CSMD2: variants seen among roughly 807,000 people sequenced by gnomAD.
CSMD2 encodes CUB and Sushi multiple domains 2.
A neutral mutation model predicts 398.5 loss-of-function variants in CSMD2; 130 were observed. That is an observed-to-expected ratio of 0.33 (90% CI 0.28 to 0.38). CSMD2 has a LOEUF of 0.38. Ranked by LOEUF, CSMD2 falls within the 10% of genes least tolerant of loss-of-function variation. The pLI, the probability that CSMD2 is intolerant of heterozygous loss-of-function variation, is 1.00. For missense variants in CSMD2, 3,829 were observed against 4,764.9 expected (o/e 0.80, Z 5.78); for synonymous variants, 1,828 against 1,908.5 (o/e 0.96, Z 1.10).
At chr1:33,998,728 C>T (rs1309544626) in intron 3 of CSMD2, among the ~76,000 whole-genome samples, 10 of 152,174 alleles carry the variant, frequency 6.6e-5, no homozygotes, top group Admixed American at 6.5e-4. Context: ...AATGAAAAGG[C>T]AGGGCCCCTG....
chr1:33,964,851 GAC>G (rs1203826444), intron 3 of CSMD2, among the ~76,000 whole-genome samples: 9 of 152,186 alleles, frequency 5.9e-5, no homozygotes, highest in African/African-American at 2.2e-4. Context: ...AGTGACTGGG[GAC>G]ACATCACTGG....
intron 2 of CSMD2, among the ~76,000 whole-genome samples, chr1:34,061,707 T>C (rs1654528844): frequency 6.6e-6 from 1 of 152,290 alleles, no homozygotes; most frequent in Admixed American, 6.5e-5. Flanking sequence ...TGCTCAATAA[T>C]AGTAGCCATT....
At chr1:33,893,185 A>G (rs1642147301) in intron 5 of CSMD2, among the ~76,000 whole-genome samples, 1 of 152,230 alleles carries the variant, frequency 6.6e-6, no homozygotes, top group South Asian at 2.1e-4. Flanking sequence ...AGAAATTAAA[A>G]CAGAAAGGGA....
chr1:33,744,895 T>C (rs987193130), intron 13 of CSMD2, among the ~76,000 whole-genome samples: 4 of 152,208 alleles, frequency 2.6e-5, no homozygotes, highest in Non-Finnish European at 4.4e-5. Context: ...ATGATCCTTT[T>C]TGAAGGGAGT....
At chr1:33,882,990 T>C (rs1424138962) in intron 5 of CSMD2, among the ~76,000 whole-genome samples, 2 of 152,186 alleles carry the variant, frequency 1.3e-5, no homozygotes, top group African/African-American at 2.4e-5. Context: ...TCCAGCCTAC[T>C]TCATAAATTC....
At chr1:33,525,695 T>C (rs1570618193) in intron 65 of CSMD2, among the ~76,000 whole-genome samples, 1 of 152,340 alleles carries the variant, frequency 6.6e-6, no homozygotes, top group East Asian at 1.9e-4. Flanking sequence ...AGAGTAGTTT[T>C]TTCGTTGAGA....
At chr1:34,061,387 C>T (rs142302681) in intron 2 of CSMD2, among the ~76,000 whole-genome samples, 130 of 152,248 alleles carry the variant, frequency 8.5e-4, no homozygotes, top group African/African-American at 3.0e-3. Flanking sequence ...CGTTTCGCAA[C>T]GGCTGGAGCG....
At chr1:33,625,017 C>A in intron 34 of CSMD2, 34 bp downstream of exon 34, 2 of 1,606,756 alleles carry the variant, frequency 1.2e-6, no homozygotes, top group Non-Finnish European at 1.7e-6. Context: ...GTGCCGCCCC[C>A]CGCACCCTCA....
At chr1:34,161,560 G>A (rs1043883863) in intron 1 of CSMD2, among the ~76,000 whole-genome samples, 2 of 152,192 alleles carry the variant, frequency 1.3e-5, no homozygotes, top group African/African-American at 4.8e-5. Flanking sequence ...GAAGCCCAAG[G>A]AAGAGAAATT....
At chr1:33,586,428 A>T in intron 46 of CSMD2, 76 bp downstream of exon 46, 1 of 942,038 alleles carries the variant, frequency 1.1e-6, no homozygotes, top group Non-Finnish European at 1.7e-6. Context: ...AACTGGGAAT[A>T]GAAAGAGGAG....
At chr1:33,774,057 T>C (rs1345012228) in intron 12 of CSMD2, among the ~76,000 whole-genome samples, 1 of 151,782 alleles carries the variant, frequency 6.6e-6, no homozygotes, top group Non-Finnish European at 1.5e-5. Flanking sequence ...AAACGAAGGC[T>C]GCCAGCTTTG....
intron 37 of CSMD2, among the ~76,000 whole-genome samples, chr1:33,619,436 A>G (rs1387606562): frequency 6.7e-6 from 1 of 149,748 alleles, no homozygotes; most frequent in Non-Finnish European, 1.5e-5. Flanking sequence ...CCACCAACCC[A>G]TCTTCCCAGG....
intron 1 of CSMD2, among the ~76,000 whole-genome samples, chr1:34,113,650 T>C (rs539365086): frequency 2.0e-5 from 3 of 152,258 alleles, no homozygotes; most frequent in South Asian, 4.1e-4. Flanking sequence ...ATCAGCTAGA[T>C]GGCAGAATAG....
chr1:33,700,207 C>A (rs564625939), intron 23 of CSMD2, among the ~76,000 whole-genome samples: 59 of 152,244 alleles, frequency 3.9e-4, no homozygotes, highest in Non-Finnish European at 7.1e-4. Context: ...TGGGGTTTCA[C>A]CATCTTGGCC....
At chr1:33,599,459 T>C (rs1227081869) in intron 44 of CSMD2, 3 of 152,250 alleles carry the variant, frequency 2.0e-5, no homozygotes, top group Admixed American at 6.5e-5. Flanking sequence ...CCAAGCATTG[T>C]TTCATTTAAC....
intron 2 of CSMD2, among the ~76,000 whole-genome samples, chr1:34,054,026 C>T (rs1373125427): frequency 6.6e-6 from 1 of 152,160 alleles, no homozygotes; most frequent in East Asian, 1.9e-4. Context: ...GCAAAAATGG[C>T]ACAGAAAGTT....
chr1:33,614,889 T>C (rs1641286033), intron 39 of CSMD2, among the ~76,000 whole-genome samples: 3 of 152,128 alleles, frequency 2.0e-5, no homozygotes, highest in African/African-American at 7.2e-5. Flanking sequence ...CCTTCACAGG[T>C]CAGTTCCCTG....
intron 32 of CSMD2, among the ~76,000 whole-genome samples, chr1:33,628,714 C>T (rs1241910093): frequency 6.6e-6 from 1 of 151,248 alleles, no homozygotes; most frequent in Admixed American, 6.6e-5. Flanking sequence ...GACACTTTTC[C>T]TAAGATGTGA....
Position 33,624,716 on chromosome 1 carries a change from C to G in CSMD2, c.5501-73G>C. 6.4e-7 allele frequency: 1 copy of G among 1,556,194 alleles called. No homozygotes were observed. Among genetic ancestry groups the G allele is most frequent in the Admixed American group, 1.8e-5 (1 of 55,896 alleles). Reference sequence around the variant, plus strand: ...AGCCTTCCCAAGCTGACTCCTCCCTCATGGCCCCCAGCCTCTGTTTGTCCT... The same window carrying G: ...AGCCTTCCCAAGCTGACTCCTCCCTGATGGCCCCCAGCCTCTGTTTGTCCT... On this transcript the variant is annotated intron_variant, in intron 34 of 70. Transcript: ENST00000373381. The surrounding 1 kb of genome is among the most constrained non-coding windows in gnomAD (Gnocchi z 4.7).
Sources: allele counts gnomAD v4.1 joint callset (sites outside exome capture counted in the v4.1 genomes callset), GRCh38; gene constraint gnomAD v4.1.1; non-coding constraint Gnocchi (gnomAD v3.1); transcripts MANE v1.5; gene names NCBI Gene and HGNC (gene_info 2026-07-23, HGNC 2026-07-21).